The following GABRG1 variants were observed in gnomAD, a reference collection of about 807,000 sequenced individuals.
GABRG1 encodes the protein gamma-aminobutyric acid receptor subunit gamma-1.
Under a neutral mutation model 49.8 loss-of-function variants are expected in GABRG1, and 49 were observed. That is an observed-to-expected ratio of 0.98 (90% CI 0.78 to 1.25). The LOEUF is 1.25. Ranked by LOEUF, GABRG1 falls within the 50% of genes most tolerant of loss-of-function variation. The pLI is 0.00. For synonymous variants in GABRG1, 232 were observed against 185.1 expected (o/e 1.25, Z -2.06); for missense variants, 552 against 552.3 (o/e 1.00, Z 0.01).
intron 3 of GABRG1, among the ~76,000 whole-genome samples, chr4:46,074,774 T>C (rs1356097222): frequency 6.6e-6 from 1 of 152,130 alleles, no homozygotes; most frequent in Non-Finnish European, 1.5e-5. Context: ...GATAAGGTAT[T>C]GTCTTTTAAT....
At position 46,058,334 on chromosome 4, in the gene GABRG1, T is replaced by C. The variant is rs1337233250; in HGVS notation, c.799A>G (p.Ser267Gly). The C allele has an allele frequency of 1.9e-6, 3 of 1,612,320 alleles. No homozygotes were observed. The highest frequency in any genetic ancestry group is 2.5e-6 in the Non-Finnish European group (3 of 1,179,298). Residue 267 changes from serine to glycine, a missense_variant, in exon 7 of 9, where the codon AGC becomes GGC. Coordinates refer to ENST00000295452, the MANE Select transcript of GABRG1 (RefSeq NM_173536.4). Reference protein sequence around the residue: ...YVIMTIFFDLSRRMGYFTIQT... With the variant: ...YVIMTIFFDLGRRMGYFTIQT... ...ATAGTGAAATATCCCATTCTTCTGC[T>C]CAGGTCAAAAAAAATTGTCATGATA...
At chr4:46,101,892 A>G (rs776615119) in intron 1 of GABRG1, among the ~76,000 whole-genome samples, 53 of 151,704 alleles carry the variant, frequency 3.5e-4, no homozygotes, top group Admixed American at 9.9e-4. Context: ...TGTATAAAGT[A>G]GCTTAAAAGA....
intron 2 of GABRG1, among the ~76,000 whole-genome samples, chr4:46,092,085 G>A (rs1720010028): frequency 2.0e-5 from 3 of 151,902 alleles, no homozygotes; most frequent in Non-Finnish European, 4.4e-5. Flanking sequence ...TCAAAATGAA[G>A]GCAATACAAA....
intron 3 of GABRG1, among the ~76,000 whole-genome samples, chr4:46,083,304 G>A (rs1719640311): frequency 6.6e-6 from 1 of 151,434 alleles, no homozygotes; most frequent in African/African-American, 2.4e-5. Context: ...ACCTGTAATG[G>A]GTCTCTGTAA....
intron 1 of GABRG1, among the ~76,000 whole-genome samples, chr4:46,114,016 A>G (rs1720799303): frequency 6.6e-6 from 1 of 151,074 alleles, no homozygotes; most frequent in Non-Finnish European, 1.5e-5. Flanking sequence ...GGGTAGGAAA[A>G]ATCACTGATT....
intron 3 of GABRG1, among the ~76,000 whole-genome samples, chr4:46,069,787 G>C (rs758111633): frequency 4.6e-4 from 70 of 151,758 alleles, no homozygotes; most frequent in Non-Finnish European, 8.7e-4. Flanking sequence ...GAACCTTCTT[G>C]GTATGAACAT....
chr4:46,079,901 C>G (rs980458335), intron 3 of GABRG1, among the ~76,000 whole-genome samples: 4 of 151,806 alleles, frequency 2.6e-5, no homozygotes, highest in Non-Finnish European at 5.9e-5. Context: ...CTCATAAACT[C>G]TAGTAACATG....
chr4:46,083,650 CT>C (rs529246561), intron 3 of GABRG1, among the ~76,000 whole-genome samples: 78 of 151,372 alleles, frequency 5.2e-4, no homozygotes, highest in Non-Finnish European at 9.8e-4. Context: ...GCCAGTAAGT[CT>C]TTTTTTTCTC....
chr4:46,123,242 G>C (rs909643444), intron 1 of GABRG1, among the ~76,000 whole-genome samples: 1 of 151,382 alleles, frequency 6.6e-6, no homozygotes, highest in Non-Finnish European at 1.5e-5. Flanking sequence ...AATATACACG[G>C]TCAGTTTTTA....
At chr4:46,061,721 G>T (rs1459039420) in intron 5 of GABRG1, among the ~76,000 whole-genome samples, 1 of 150,624 alleles carries the variant, frequency 6.6e-6, no homozygotes, top group Non-Finnish European at 1.5e-5. Flanking sequence ...ATATTATACA[G>T]TAGGAAAGTA....
At chr4:46,105,791 TGATAGATAGATAGATA>T (rs10660132) in intron 1 of GABRG1, among the ~76,000 whole-genome samples, 5 of 144,556 alleles carry the variant, frequency 3.5e-5, no homozygotes, top group African/African-American at 1.3e-4. Flanking sequence ...GGTAGATAGA[TGATAGATAGATAGATA>T]GATAGATAGA....
At chr4:46,105,926 C>T (rs1413923043) in intron 1 of GABRG1, among the ~76,000 whole-genome samples, 1 of 151,312 alleles carries the variant, frequency 6.6e-6, no homozygotes, top group Non-Finnish European at 1.5e-5. Flanking sequence ...TGAAGGAGTC[C>T]TATTTCAACC....
At chr4:46,063,756 G>A (rs1262807584) in intron 5 of GABRG1, among the ~76,000 whole-genome samples, 4 of 151,946 alleles carry the variant, frequency 2.6e-5, no homozygotes, top group Non-Finnish European at 5.9e-5. Flanking sequence ...CTACAAAATG[G>A]GAGAAAATTT....
chr4:46,058,124 A>T, intron 7 of GABRG1, 93 bp downstream of exon 7: 1 of 1,230,882 alleles, frequency 8.1e-7, no homozygotes, highest in East Asian at 2.4e-5. Flanking sequence ...AGTCTAGAAG[A>T]ATATATCTAA....
intron 5 of GABRG1, among the ~76,000 whole-genome samples, chr4:46,060,274 T>C (rs113365994): frequency 6.6e-6 from 1 of 152,106 alleles, no homozygotes; most frequent in Admixed American, 6.6e-5. Context: ...TGTGTGTGTG[T>C]GTGTGTGTTT....
At chr4:46,082,566 C>T (rs955008820) in intron 3 of GABRG1, among the ~76,000 whole-genome samples, 3 of 151,714 alleles carry the variant, frequency 2.0e-5, no homozygotes, top group African/African-American at 7.3e-5. Context: ...ATATGCAATC[C>T]AGCTGTTATC....
At chr4:46,106,789 AT>A (rs34521459) in intron 1 of GABRG1, among the ~76,000 whole-genome samples, 147,864 of 149,936 alleles carry the variant, frequency 0.99, 72,925 homozygotes, top group East Asian at 1. Context: ...GTTACTGTAA[AT>A]TTTTTTTTTT....
rs76381763 is a variant in GABRG1, at chr4:46,071,064, T to C, written c.322-5480A>G. Among the ~76,000 whole-genome samples the C allele has an allele frequency of 4.4e-3, 677 of 152,140 alleles. 5 individuals are homozygous for C. The highest frequency in any genetic ancestry group is 0.015 in the African/African-American group (639 of 41,534). ...GAAAAATTCCCATCACCTAGTGATG[T>C]TGTGGCCATTCTAACGTCCTAGCAC... On this transcript the variant is annotated intron_variant, in intron 3 of 8. Coordinates refer to ENST00000295452, the MANE Select transcript of GABRG1 (RefSeq NM_173536.4).
intron 2 of GABRG1, among the ~76,000 whole-genome samples, chr4:46,095,566 G>A (rs1720139698): frequency 5.3e-5 from 8 of 151,720 alleles, no homozygotes; most frequent in Admixed American, 5.3e-4. Flanking sequence ...TACAAGGACT[G>A]AATAATAGAC....
Sources: allele counts gnomAD v4.1 joint callset (sites outside exome capture counted in the v4.1 genomes callset), GRCh38; gene constraint gnomAD v4.1.1; transcripts MANE v1.5; gene names NCBI Gene and HGNC (gene_info 2026-07-23, HGNC 2026-07-21).